Variants in TMTC2 observed in about 807,000 individuals in gnomAD.
The protein encoded by TMTC2 is transmembrane O-mannosyltransferase targeting cadherins 2.
In TMTC2, 43 loss-of-function variants were observed where a neutral mutation model predicts 82.4. That is an observed-to-expected ratio of 0.52 (90% confidence interval 0.41 to 0.67). The LOEUF is 0.67. Among genes scored for constraint, TMTC2 ranks in the 30% least tolerant of loss-of-function variants. TMTC2 has a pLI of 0.00. For synonymous variants in TMTC2, 408 were observed against 381.9 expected, an observed-to-expected ratio of 1.07 and a Z score of -0.80; for missense variants, 919 against 1,012.4, an observed-to-expected ratio of 0.91 and a Z score of 1.25.
intron 4 of TMTC2, among the ~76,000 whole-genome samples, chr12:82,952,632 G>C (rs1877407034): frequency 6.6e-6 from 1 of 152,104 alleles, no homozygotes. Flanking sequence ...TGCAGCCTCT[G>C]ACTCCTGGGT....
intron 1 of TMTC2, among the ~76,000 whole-genome samples, chr12:82,741,906 G>A (rs1875428089): frequency 1.3e-5 from 2 of 152,268 alleles, no homozygotes; most frequent in East Asian, 1.9e-4. Flanking sequence ...GTATTACAGT[G>A]ATCAAGAAGA....
chr12:82,777,292 G>C (rs1225375509), intron 1 of TMTC2, among the ~76,000 whole-genome samples: 1 of 152,086 alleles, frequency 6.6e-6, no homozygotes, highest in Non-Finnish European at 1.5e-5. Flanking sequence ...GACATTTATA[G>C]TTCTTCTACT....
intron 3 of TMTC2, among the ~76,000 whole-genome samples, chr12:82,901,272 A>G (rs1873999053): frequency 7.1e-6 from 1 of 140,114 alleles, no homozygotes; most frequent in Admixed American, 7.4e-5. Context: ...GAATATATAT[A>G]TAGAGAGAGT....
intron 1 of TMTC2, among the ~76,000 whole-genome samples, chr12:82,842,631 C>T (rs184720155): frequency 1.3e-5 from 2 of 152,160 alleles, no homozygotes; most frequent in Non-Finnish European, 2.9e-5. Flanking sequence ...TAACAGACCA[C>T]CACAGACTGG....
chr12:82,795,749 G>A (rs895977449), intron 1 of TMTC2, among the ~76,000 whole-genome samples: 7 of 152,142 alleles, frequency 4.6e-5, no homozygotes, highest in Admixed American at 1.3e-4. Flanking sequence ...GCAACAAGGC[G>A]TCATCTTGGA....
chr12:83,063,522 C>T (rs1226036276), intron 11 of TMTC2, among the ~76,000 whole-genome samples: 1 of 151,880 alleles, frequency 6.6e-6, no homozygotes, highest in Non-Finnish European at 1.5e-5. Flanking sequence ...TTTCTCACAA[C>T]AACCCACAGA....
chr12:82,708,089 G>T (rs1287096124), intron 1 of TMTC2, among the ~76,000 whole-genome samples: 2 of 152,156 alleles, frequency 1.3e-5, no homozygotes, highest in Non-Finnish European at 2.9e-5. Context: ...TTTATGTGTT[G>T]TCTGTGTCTG....
intron 10 of TMTC2, among the ~76,000 whole-genome samples, chr12:83,056,704 C>T (rs11834827): frequency 0.011 from 1,681 of 151,966 alleles, 38 homozygotes; most frequent in African/African-American, 0.038. Context: ...ACCAAAACCA[C>T]GCGAAAGTCA....
At chr12:82,758,266 T>C (rs1163527355) in intron 1 of TMTC2, among the ~76,000 whole-genome samples, 2 of 152,164 alleles carry the variant, frequency 1.3e-5, no homozygotes, top group East Asian at 1.9e-4. Context: ...TTTTGAGCTT[T>C]ATAAAAATGT....
intron 8 of TMTC2, among the ~76,000 whole-genome samples, chr12:83,020,409 T>C (rs1258034161): frequency 6.6e-6 from 1 of 152,226 alleles, no homozygotes; most frequent in African/African-American, 2.4e-5. Context: ...TGCATAATTC[T>C]AAAGTCTGAA....
At chr12:82,763,073 T>A (rs575815021) in intron 1 of TMTC2, among the ~76,000 whole-genome samples, 5 of 152,240 alleles carry the variant, frequency 3.3e-5, no homozygotes, top group African/African-American at 4.8e-5. Context: ...TTAGTTTTTT[T>A]AAATGTGACT....
chr12:83,015,624 T>C (rs1880642121), intron 8 of TMTC2, among the ~76,000 whole-genome samples: 1 of 152,230 alleles, frequency 6.6e-6, no homozygotes, highest in Admixed American at 6.5e-5. Flanking sequence ...AAGTTGAGAC[T>C]TTCTGTTCTA....
chr12:82,890,813 A>G (rs758243938), intron 2 of TMTC2, among the ~76,000 whole-genome samples: 4 of 152,208 alleles, frequency 2.6e-5, no homozygotes, highest in Non-Finnish European at 5.9e-5. Flanking sequence ...GTTCATATCC[A>G]GCGTATAGAA....
At position 82,745,846 on chromosome 12, in the gene TMTC2, G is replaced by A. The variant is rs148866985; in HGVS notation, c.83+58177G>A. ...CAGAGCATCGAGGAATATAATGCAC[G>A]TTTCTAACACCCCTCCCCTTTTTCT... On this transcript the variant is annotated intron_variant, in intron 1 of 11. Coordinates refer to ENST00000321196, the MANE Select transcript of TMTC2 (RefSeq NM_152588.3). 2.3e-3 allele frequency among the ~76,000 whole-genome samples: 344 copies of A among 152,262 alleles called. 2 individuals are homozygous for A. Among genetic ancestry groups the A allele is most frequent in the Non-Finnish European group, 3.6e-3 (246 of 68,026 alleles).
At chr12:82,780,712 G>A (rs537067042) in intron 1 of TMTC2, among the ~76,000 whole-genome samples, 5 of 152,018 alleles carry the variant, frequency 3.3e-5, no homozygotes, top group East Asian at 3.9e-4. Flanking sequence ...TGGTAAAAAT[G>A]TGTTTGTATT....
At chr12:82,905,763 G>T (rs1874259490) in intron 3 of TMTC2, among the ~76,000 whole-genome samples, 1 of 152,110 alleles carries the variant, frequency 6.6e-6, no homozygotes, top group South Asian at 2.1e-4. Context: ...TGGTCAACAT[G>T]GTGAAAGCCT....
chr12:82,956,873 A>G (rs1323389355), intron 4 of TMTC2, among the ~76,000 whole-genome samples: 1 of 152,186 alleles, frequency 6.6e-6, no homozygotes, highest in African/African-American at 2.4e-5. Flanking sequence ...CCACATTGGA[A>G]CACCCATATT....
intron 9 of TMTC2, among the ~76,000 whole-genome samples, chr12:83,046,534 C>T (rs990211954): frequency 6.6e-6 from 1 of 152,138 alleles, no homozygotes; most frequent in African/African-American, 2.4e-5. Flanking sequence ...TCAGTCTAGA[C>T]AGACTCTCCA....
rs553541270 is a variant in TMTC2, at chr12:83,051,114, A to T, written c.2267+96A>T. On this transcript the variant is annotated intron_variant, in intron 10 of 11. Coordinates refer to ENST00000321196, the MANE Select transcript of TMTC2 (RefSeq NM_152588.3). The stretch of plus-strand genomic sequence containing the variant: ...TCATACACCTTATTCCACATTCTCA[A>T]TGTGAGTCAATCACGCTGCTTAACT... The T allele has an allele frequency of 2.7e-5, 21 of 770,806 alleles. No homozygotes were observed. The African/African-American group carries it at 3.8e-4, about 14-fold the overall frequency. The allele number at this position is 770,806 out of a possible 1,614,324, so 47.7% of individuals were successfully genotyped here.
Sources: allele counts gnomAD v4.1 joint callset (sites outside exome capture counted in the v4.1 genomes callset), GRCh38; gene constraint gnomAD v4.1.1; transcripts MANE v1.5; gene names NCBI Gene and HGNC (gene_info 2026-07-23, HGNC 2026-07-21).